The following EDIL3 variants were observed in gnomAD, a reference collection of about 807,000 sequenced individuals.
The protein encoded by EDIL3 is EGF like and discoidin domains 3, also known as EGF-like repeat and discoidin I-like domain-containing protein 3.
In EDIL3, 37 loss-of-function variants were observed where a neutral mutation model predicts 67.4. The observed-to-expected ratio is 0.55, with a 90% CI of 0.42 to 0.72. The LOEUF is 0.72. Ranked by LOEUF, EDIL3 falls within the 30% of genes least tolerant of loss-of-function variation. The probability of loss-of-function intolerance (pLI) is 0.00; values close to 1 mark genes in which losing one functional copy is unlikely to be tolerated. For missense variants in EDIL3, 527 were observed against 586.3 expected (o/e 0.90, Z 1.04); for synonymous variants, 195 against 196.3 (o/e 0.99, Z 0.05).
In EDIL3 at chr5:84,132,501, T is replaced by TA. The variant is rs1561440809; in HGVS notation, c.469+4739dup. Among the ~76,000 whole-genome samples the TA allele has an allele frequency of 7.1e-4, 53 of 74,688 alleles. 2 individuals carry two copies. In the East Asian group the frequency reaches 0.019, roughly 27 times the overall value. The allele number at this position is 74,688 out of a possible 152,430, so 49.0% of individuals were successfully genotyped here. On this transcript the variant is annotated intron_variant, in intron 5 of 10. Transcript: ENST00000296591. ...ATATTTTAATATATATTATATATTT[T>TA]ATATATAATATATATTTTAATATAT... is the stretch of plus-strand genomic sequence containing the variant.
At chr5:84,084,214 C>T (rs1747027835) in intron 6 of EDIL3, among the ~76,000 whole-genome samples, 3 of 152,076 alleles carry the variant, frequency 2.0e-5, no homozygotes, top group Admixed American at 2.0e-4. Flanking sequence ...CAGATGTTGG[C>T]AGTTAGGAAA....
chr5:84,291,428 T>C (rs1298393472), intron 1 of EDIL3, among the ~76,000 whole-genome samples: 2 of 152,002 alleles, frequency 1.3e-5, no homozygotes, highest in African/African-American at 4.8e-5. Context: ...TAGGTATATA[T>C]CCTTTTAAAA....
chr5:84,374,823 TC>T (rs1018360254), intron 1 of EDIL3, among the ~76,000 whole-genome samples: 29 of 152,316 alleles, frequency 1.9e-4, no homozygotes, highest in Admixed American at 4.6e-4. Flanking sequence ...CTATTCCCTC[TC>T]TTGCTGCCAC....
At chr5:84,366,847 T>C (rs1747746116) in intron 1 of EDIL3, among the ~76,000 whole-genome samples, 1 of 152,316 alleles carries the variant, frequency 6.6e-6, no homozygotes, top group Admixed American at 6.5e-5. Flanking sequence ...AGTAATTCTA[T>C]CCGTCTGGCA....
At chr5:84,203,722 C>T (rs1399228455) in intron 3 of EDIL3, among the ~76,000 whole-genome samples, 1 of 152,118 alleles carries the variant, frequency 6.6e-6, no homozygotes, top group Admixed American at 6.5e-5. Flanking sequence ...AGGTCAAGGG[C>T]TTATCTCATT....
chr5:83,978,515 G>A (rs774551695), intron 9 of EDIL3, among the ~76,000 whole-genome samples: 1 of 151,946 alleles, frequency 6.6e-6, no homozygotes, highest in Non-Finnish European at 1.5e-5. Context: ...GTGAAAAAAT[G>A]AGGGACCAGG....
At chr5:84,338,262 C>G (rs989473553) in intron 1 of EDIL3, among the ~76,000 whole-genome samples, 5 of 152,154 alleles carry the variant, frequency 3.3e-5, no homozygotes, top group African/African-American at 1.2e-4. Context: ...GGCTGTCCCT[C>G]TAACTTGCTT....
intron 6 of EDIL3, among the ~76,000 whole-genome samples, chr5:84,076,171 G>T (rs1401787221): frequency 1.3e-5 from 2 of 151,760 alleles, no homozygotes; most frequent in African/African-American, 4.8e-5. Flanking sequence ...TAGCTTAAGA[G>T]AAGACAGGTT....
rs552029537 is a variant in EDIL3, at chr5:83,949,538, C to G, written c.1294-5970G>C. 3.9e-5 allele frequency among the ~76,000 whole-genome samples: 6 copies of G among 151,918 alleles called. No homozygotes were observed. The South Asian group carries it at 1.0e-3, about 26-fold the overall frequency. On this transcript the variant is annotated intron_variant, in intron 10 of 10. Coordinates refer to ENST00000296591, the MANE Select transcript of EDIL3 (RefSeq NM_005711.5). ...TTTTCTGTATCCAAAAGGAGTTGAT[C>G]ATCTTGTCTTCTTTGCAAGAAACAT...
intron 7 of EDIL3, 133 bp from the exon 8 acceptor site, chr5:84,064,977 T>A: frequency 8.5e-7 from 1 of 1,174,340 alleles, no homozygotes; most frequent in Non-Finnish European, 1.1e-6. Flanking sequence ...ATGGAGCATT[T>A]GAGAAGTGCC....
rs1744215724 is a variant in EDIL3 at position 83,941,063 on chromosome 5, T to C, written c.*2356A>G. The C allele has an allele frequency of 6.6e-6, 1 of 152,034 alleles. No individual in the cohort carries two copies. Among genetic ancestry groups the C allele is most frequent in the African/African-American group, 2.4e-5 (1 of 41,454 alleles). The allele number at this position is 152,034 out of a possible 1,614,324, so 9.4% of individuals were successfully genotyped here. ...ACTTATGGTACTGTACTGGTTTTAG[T>C]GTGAATTTACATAGAATAAATTTAC... On this transcript the variant is annotated 3_prime_UTR_variant, in exon 11 of 11. Coordinates refer to ENST00000296591, the MANE Select transcript of EDIL3 (RefSeq NM_005711.5).
At chr5:84,093,157 G>A (rs1406047213) in intron 6 of EDIL3, among the ~76,000 whole-genome samples, 2 of 151,672 alleles carry the variant, frequency 1.3e-5, no homozygotes, top group African/African-American at 4.8e-5. Context: ...CAGAATAATT[G>A]CCATGTGAAA....
intron 5 of EDIL3, among the ~76,000 whole-genome samples, chr5:84,108,472 A>G (rs1747502802): frequency 1.3e-5 from 2 of 152,144 alleles, no homozygotes; most frequent in Non-Finnish European, 1.5e-5. Context: ...AAAGTATACT[A>G]TATCACTTTA....
chr5:84,277,860 C>T (rs1218304594), intron 1 of EDIL3, among the ~76,000 whole-genome samples: 1 of 151,914 alleles, frequency 6.6e-6, no homozygotes, highest in Non-Finnish European at 1.5e-5. Context: ...AGTTAATACG[C>T]ATGATAATGT....
chr5:84,042,188 G>T (rs1746139665), intron 9 of EDIL3, among the ~76,000 whole-genome samples: 1 of 151,994 alleles, frequency 6.6e-6, no homozygotes, highest in Non-Finnish European at 1.5e-5. Context: ...ATTAATAATG[G>T]CTATAAATAT....
intron 1 of EDIL3, among the ~76,000 whole-genome samples, chr5:84,310,713 T>C (rs955697328): frequency 2.8e-4 from 43 of 152,312 alleles, no homozygotes; most frequent in Admixed American, 1.6e-3. Flanking sequence ...AAAATAGATA[T>C]ACACACCCAA....
chr5:84,027,757 G>T (rs771373793), intron 9 of EDIL3, among the ~76,000 whole-genome samples: 1 of 151,930 alleles, frequency 6.6e-6, no homozygotes, highest in East Asian at 1.9e-4. Context: ...AACTGATAGT[G>T]TAATTAGTAT....
intron 5 of EDIL3, among the ~76,000 whole-genome samples, chr5:84,114,099 A>G (rs930782565): frequency 8.6e-5 from 13 of 150,820 alleles, no homozygotes; most frequent in Admixed American, 7.2e-4. Context: ...GGAGGGATCA[A>G]GGCTACTCTT....
At chr5:84,037,716 C>G (rs1265617296) in intron 9 of EDIL3, among the ~76,000 whole-genome samples, 1 of 151,996 alleles carries the variant, frequency 6.6e-6, no homozygotes, top group Admixed American at 6.6e-5. Context: ...ATTTTTTCCC[C>G]TAAGAGTTGA....
Sources: gnomAD v4.1 joint callset for allele counts (sites outside exome capture counted in the v4.1 genomes callset) on GRCh38, gnomAD v4.1.1 for gene constraint, MANE v1.5 for transcripts, NCBI Gene and HGNC (gene_info 2026-07-23, HGNC 2026-07-21) for gene names.